MYO9A: variants seen among roughly 807,000 people sequenced by gnomAD.
MYO9A encodes the protein myosin IXA, also known as unconventional myosin-IXa.
MYO9A carries 103 observed loss-of-function variants against 293.3 expected under a neutral mutation model. The ratio of observed to expected loss-of-function variants is 0.35; its 90% CI spans 0.30 to 0.41. The LOEUF (loss-of-function observed/expected upper bound fraction) is 0.41. Among genes scored for constraint, MYO9A ranks in the 10% least tolerant of loss-of-function variants. The pLI, the probability that MYO9A is intolerant of heterozygous loss-of-function variation, is 1.00. For missense variants in MYO9A, 2,685 were observed against 3,033.0 expected (o/e 0.89, Z 2.69); for synonymous variants, 1,001 against 1,035.7 (o/e 0.97, Z 0.64).
intron 37 of MYO9A, among the ~76,000 whole-genome samples, chr15:71,850,388 C>T (rs2055582759): frequency 6.6e-6 from 1 of 152,130 alleles, no homozygotes; most frequent in Non-Finnish European, 1.5e-5. Context: ...TTCCTTGAAG[C>T]AGTCTAGGTC....
At chr15:71,902,707 G>C (rs2057520867) in intron 22 of MYO9A, among the ~76,000 whole-genome samples, 1 of 152,160 alleles carries the variant, frequency 6.6e-6, no homozygotes, top group East Asian at 1.9e-4. Flanking sequence ...GATTACAGTA[G>C]AGTATCTATG....
rs773479642 is a variant in MYO9A at position 71,878,214 on chromosome 15, G to C, written c.5757C>G (p.Ser1919Arg). The change falls in exon 31 of 42, where the codon AGC (serine) becomes AGG (arginine). Residue 1919 changes from serine (S) to arginine (R), a missense_variant. Transcript: ENST00000356056. ...GTGCATAGAGGTCTTTATACCGTAT[G>C]CTTTTCCCATCATCCATCTATAAGC... ...SSALAMDDGK[S>R]IRYKDLYALF... 3.2e-6 allele frequency: 5 copies of C among 1,549,242 alleles called. No individual in the cohort carries two copies. Among genetic ancestry groups the C allele is most frequent in the Middle Eastern group, 1.7e-4 (1 of 5,878 alleles).
At chr15:72,009,886 T>C (rs1056676703) in intron 7 of MYO9A, among the ~76,000 whole-genome samples, 1 of 152,182 alleles carries the variant, frequency 6.6e-6, no homozygotes, top group Non-Finnish European at 1.5e-5. Context: ...TTTATATTTT[T>C]AAATTGTTTA....
chr15:72,117,646 C>G (rs770046431), intron 1 of MYO9A, 34 bp downstream of exon 1: 3 of 395,636 alleles, frequency 7.6e-6, no homozygotes, highest in Non-Finnish European at 8.9e-6. Context: ...CCAGGACGGG[C>G]TGCAGGGCCG....
intron 33 of MYO9A, 21 bp downstream of exon 33, chr15:71,862,479 T>C: frequency 6.6e-7 from 1 of 1,526,198 alleles, no homozygotes; most frequent in Non-Finnish European, 9.1e-7. Flanking sequence ...AAAATATTCC[T>C]CAAAGATCTC....
chr15:71,854,600 T>A, intron 34 of MYO9A, 31 bp from the exon 35 acceptor site: 1 of 1,501,912 alleles, frequency 6.7e-7, no homozygotes, highest in Non-Finnish European at 8.9e-7. Context: ...AGTTTCCAAA[T>A]GCATTCAAAC....
intron 1 of MYO9A, among the ~76,000 whole-genome samples, chr15:72,102,782 A>G: frequency 6.6e-6 from 1 of 151,966 alleles, no homozygotes; most frequent in East Asian, 1.9e-4. Context: ...ATGAGAAACA[A>G]GACAAAGATG....
rs200866619 is a variant in MYO9A, at chr15:71,878,740, ATTTTTTTTT to A, written c.5740-518_5740-510del. 9.2e-5 allele frequency among the ~76,000 whole-genome samples: 10 copies of A among 108,644 alleles called. 1 individual carries two copies. The East Asian group carries it at 1.5e-3, about 16-fold the overall frequency. 71.3% of individuals were successfully genotyped at this position (108,644 alleles called of 152,430 possible). A position where few individuals can be genotyped will look rare whatever the true frequency, so the allele number is the denominator to read the frequency against. ...TTCTTTTATTTAAATGAGATCTGGA[ATTTTTTTTT>A]TTTTTTTTTTTTTTTTAGACGGAGT... On this transcript the variant is annotated intron_variant, in intron 30 of 41. Transcript: ENST00000356056.
At chr15:71,939,196 A>G (rs1346113936) in intron 15 of MYO9A, among the ~76,000 whole-genome samples, 1 of 152,148 alleles carries the variant, frequency 6.6e-6, no homozygotes, top group African/African-American at 2.4e-5. Context: ...CTGAAGGCCT[A>G]GAAGTGTACA....
chr15:71,898,878 A>T lies in MYO9A; in HGVS notation c.3625T>A (p.Cys1209Ser). The change falls in exon 25 of 42, where the codon TGT (cysteine) becomes AGT (serine). Residue 1209 changes from cysteine to serine, a missense_variant. By Grantham distance (112) the Cys-to-Ser change is moderately radical. Around this residue, in one of 10 missense-constraint regions of MYO9A, gnomAD observed 1,434 missense variants for 1,497.7 expected, o/e 0.96. Coordinates refer to ENST00000356056, the MANE Select transcript of MYO9A (RefSeq NM_006901.4). ...CGATTACTCTCTATTACAGATTTACATTCCTCTATGGCTTTTATTCTGTTG... is the reference window on the plus strand; with the variant it reads ...CGATTACTCTCTATTACAGATTTACTTTCCTCTATGGCTTTTATTCTGTTG... ...FDNRIKAIEECKSVIESNRIS... is the reference protein window; with the variant it reads ...FDNRIKAIEESKSVIESNRIS... 1 of 1,614,090 alleles carries T rather than the reference A, an allele frequency of 6.2e-7. No individual in the cohort carries two copies.
chr15:72,100,999 C>T lies in MYO9A; in HGVS notation c.-72+16681G>A, dbSNP rs2080280127. On this transcript the variant is annotated intron_variant, in intron 1 of 41. Transcript: ENST00000356056. ...GGTCAGCCCCCCGCCTGGCCAGCCGCCCCGTCCGGGAGGGAGGTAGGCGGG... is the reference window on the plus strand; with the variant it reads ...GGTCAGCCCCCCGCCTGGCCAGCCGTCCCGTCCGGGAGGGAGGTAGGCGGG... Among the ~76,000 whole-genome samples, 4 of 135,748 alleles carry T rather than the reference C, an allele frequency of 2.9e-5. No homozygotes were observed. The South Asian group carries it at 9.9e-4, about 34-fold the overall frequency. 89.1% of individuals were successfully genotyped at this position (135,748 alleles called of 152,430 possible). A position where few individuals can be genotyped will look rare whatever the true frequency, so the allele number is the denominator to read the frequency against.
chr15:71,906,297 C>T (rs1236336004), intron 19 of MYO9A, among the ~76,000 whole-genome samples: 1 of 152,092 alleles, frequency 6.6e-6, no homozygotes, highest in Non-Finnish European at 1.5e-5. Flanking sequence ...CAATTGTTGG[C>T]TAGGGTGTTC....
intron 39 of MYO9A, among the ~76,000 whole-genome samples, chr15:71,833,310 C>A (rs1446322132): frequency 6.6e-6 from 1 of 151,778 alleles, no homozygotes; most frequent in Non-Finnish European, 1.5e-5. Context: ...ACATACCATG[C>A]AAATACCAAA....
chr15:71,944,943 A>C (rs1258904202), intron 15 of MYO9A, among the ~76,000 whole-genome samples: 3 of 152,174 alleles, frequency 2.0e-5, no homozygotes, highest in Admixed American at 2.0e-4. Context: ...TCAAAAATAC[A>C]AACATAAATA....
intron 1 of MYO9A, among the ~76,000 whole-genome samples, chr15:72,080,915 A>G (rs919081778): frequency 1.3e-5 from 2 of 152,102 alleles, no homozygotes; most frequent in African/African-American, 2.4e-5. Flanking sequence ...ATGGCTACAC[A>G]GTATTCCATG....
intron 1 of MYO9A, among the ~76,000 whole-genome samples, chr15:72,096,343 A>T (rs1415650259): frequency 1.3e-5 from 2 of 152,122 alleles, no homozygotes; most frequent in East Asian, 3.8e-4. Context: ...CTCAGGGAAC[A>T]ACAACAACAA....
At chr15:72,063,075 G>A (rs1312861437) in intron 1 of MYO9A, among the ~76,000 whole-genome samples, 2 of 152,130 alleles carry the variant, frequency 1.3e-5, no homozygotes. Context: ...ACAGAATGGA[G>A]AACCCAGAAA....
At chr15:72,053,784 T>C (rs556973244) in intron 1 of MYO9A, among the ~76,000 whole-genome samples, 3 of 152,164 alleles carry the variant, frequency 2.0e-5, no homozygotes, top group Middle Eastern at 3.2e-3. Context: ...AACCAACCTG[T>C]ACATGTACTC....
chr15:71,967,783 GCAGAAACCAA>G (rs1166226122), intron 13 of MYO9A, among the ~76,000 whole-genome samples, 191 bp downstream of exon 13: 2 of 152,118 alleles, frequency 1.3e-5, no homozygotes, highest in Non-Finnish European at 2.9e-5. Flanking sequence ...TTATCTCCAG[GCAGAAACCAA>G]CAGAAACATT....
Sources: allele counts gnomAD v4.1 joint callset (sites outside exome capture counted in the v4.1 genomes callset), GRCh38; gene constraint gnomAD v4.1.1; regional missense constraint gnomAD v4.1.1; transcripts MANE v1.5; gene names NCBI Gene and HGNC (gene_info 2026-07-23, HGNC 2026-07-21).